SH3PXD2A: variants seen among roughly 807,000 people sequenced by gnomAD.
The protein encoded by SH3PXD2A is SH3 and PX domain-containing protein 2A.
A neutral mutation model predicts 115.2 loss-of-function variants in SH3PXD2A; 32 were observed. That is an observed-to-expected ratio of 0.28 (90% CI 0.21 to 0.37). SH3PXD2A has a LOEUF of 0.37. Among genes scored for constraint, SH3PXD2A ranks in the 10% least tolerant of loss-of-function variants. SH3PXD2A has a pLI of 1.00. For missense variants in SH3PXD2A, 1,328 were observed against 1,498.7 expected, an observed-to-expected ratio of 0.89 and a Z score of 1.88; for synonymous variants, 610 against 629.1, an observed-to-expected ratio of 0.97 and a Z score of 0.45.
At chr10:103,722,101 C>T (rs1258302897) in intron 5 of SH3PXD2A, among the ~76,000 whole-genome samples, 1 of 151,640 alleles carries the variant, frequency 6.6e-6, no homozygotes, top group African/African-American at 2.4e-5. Flanking sequence ...CTCAGGAGTT[C>T]GAGACCAACC....
chr10:103,808,683 A>C (rs114574100), intron 1 of SH3PXD2A, among the ~76,000 whole-genome samples: 1,588 of 152,306 alleles, frequency 0.01, 35 homozygotes, highest in African/African-American at 0.034. Flanking sequence ...TTCCATGATT[A>C]GTCAATTATT....
chr10:103,602,629 C>T lies in SH3PXD2A; in HGVS notation c.2589G>A (p.Ala863=), dbSNP rs768117230. 37 of 1,614,046 alleles carry T rather than the reference C, an allele frequency of 2.3e-5. No homozygotes were observed. The highest frequency in any genetic ancestry group is 4.5e-5 in the East Asian group (2 of 44,884). ...KVQDSEISFP[A]GVEVQVLEKQ... ...TCTCCAGCACCTGCACCTCCACGCC[C>T]GCGGGGAAGCTGATCTCCGAGTCCT... is the stretch of plus-strand genomic sequence containing the variant. The change falls in exon 15 of 15, where the codon GCG becomes GCA. Residue 863 remains alanine, a synonymous_variant. Transcript: ENST00000369774.
At chr10:103,768,333 C>T (rs1162653531) in intron 2 of SH3PXD2A, among the ~76,000 whole-genome samples, 2 of 152,214 alleles carry the variant, frequency 1.3e-5, no homozygotes, top group South Asian at 4.1e-4. Flanking sequence ...GGCCTGACCT[C>T]GAGCTAGCAA....
chr10:103,671,969 T>C (rs969291241), intron 6 of SH3PXD2A, among the ~76,000 whole-genome samples: 14 of 152,196 alleles, frequency 9.2e-5, no homozygotes, highest in Non-Finnish European at 1.9e-4. Flanking sequence ...GAACACACTG[T>C]GTGGCCCTGG....
At chr10:103,683,795 C>G (rs2037641707) in intron 6 of SH3PXD2A, among the ~76,000 whole-genome samples, 1 of 152,218 alleles carries the variant, frequency 6.6e-6, no homozygotes, top group African/African-American at 2.4e-5. Flanking sequence ...TCACAATCTC[C>G]TCTGTCCTTC....
At chr10:103,706,928 G>GCC (rs1476407854) in intron 5 of SH3PXD2A, among the ~76,000 whole-genome samples, 1 of 152,198 alleles carries the variant, frequency 6.6e-6, no homozygotes, top group Non-Finnish European at 1.5e-5. Context: ...AATGGCAGCA[G>GCC]CCCGCGGCCT....
intron 5 of SH3PXD2A, among the ~76,000 whole-genome samples, chr10:103,699,044 A>G (rs1380894911): frequency 6.6e-6 from 1 of 152,078 alleles, no homozygotes; most frequent in Non-Finnish European, 1.5e-5. Flanking sequence ...AGTTTGCAGA[A>G]TTGGGGAGTG....
chr10:103,701,457 A>G (rs1564867945), intron 5 of SH3PXD2A, among the ~76,000 whole-genome samples: 1 of 127,378 alleles, frequency 7.9e-6, no homozygotes, highest in Non-Finnish European at 1.6e-5. Flanking sequence ...TCATCCATCC[A>G]TCATCCATCC....
At chr10:103,757,027 G>A (rs2038649116) in intron 3 of SH3PXD2A, among the ~76,000 whole-genome samples, 1 of 152,186 alleles carries the variant, frequency 6.6e-6, no homozygotes, top group Non-Finnish European at 1.5e-5. Flanking sequence ...CATCCAGTCT[G>A]CCATCTACGC....
chr10:103,606,376 ATTTTTTT>A (rs34117845), intron 13 of SH3PXD2A, among the ~76,000 whole-genome samples: 5,947 of 78,262 alleles, frequency 0.076, 677 homozygotes, highest in African/African-American at 0.26. Flanking sequence ...CACCTGGTTA[ATTTTTTT>A]TTTTTTTTTT....
chr10:103,798,798 T>C (rs1410654897), intron 2 of SH3PXD2A, among the ~76,000 whole-genome samples: 1 of 152,206 alleles, frequency 6.6e-6, no homozygotes, highest in African/African-American at 2.4e-5. Flanking sequence ...GAGGCCTACC[T>C]GGCTCTGAAT....
At chr10:103,763,421 T>G (rs1277794010) in intron 3 of SH3PXD2A, among the ~76,000 whole-genome samples, 1 of 152,244 alleles carries the variant, frequency 6.6e-6, no homozygotes, top group Non-Finnish European at 1.5e-5. Flanking sequence ...CCTTGGGATT[T>G]CCTTGCTCTG....
At chr10:103,640,655 GAGA>G (rs1451417538) in intron 8 of SH3PXD2A, among the ~76,000 whole-genome samples, 3 of 152,224 alleles carry the variant, frequency 2.0e-5, no homozygotes, top group East Asian at 1.9e-4. Flanking sequence ...CCAGCTTTTA[GAGA>G]AGAAGGCGGT....
chr10:103,812,707 G>T (rs1036027371), intron 1 of SH3PXD2A, among the ~76,000 whole-genome samples: 19 of 152,096 alleles, frequency 1.2e-4, no homozygotes, highest in Non-Finnish European at 1.5e-5. Context: ...CAGCCTGCAG[G>T]GGAAATGACC....
intron 5 of SH3PXD2A, among the ~76,000 whole-genome samples, chr10:103,699,623 C>T (rs2037867638): frequency 6.6e-6 from 1 of 152,124 alleles, no homozygotes; most frequent in Non-Finnish European, 1.5e-5. Flanking sequence ...TTTTTTCCAC[C>T]CCTTAGCCCC....
intron 3 of SH3PXD2A, among the ~76,000 whole-genome samples, chr10:103,744,023 CCT>C (rs899438886): frequency 1.4e-4 from 22 of 152,204 alleles, no homozygotes; most frequent in African/African-American, 5.1e-4. Context: ...TACTGGCTCC[CCT>C]GTCTTCCTGA....
rs2039509901 is a variant in SH3PXD2A at position 103,834,286 on chromosome 10, G to A, written c.72+20909C>T. On this transcript the variant is annotated intron_variant, in intron 1 of 14. Transcript: ENST00000369774. ...CAGCTCACCCTACGAGCCAATGAAGGGGCTGATGGTAGATGAAAATGTTAT... is the reference window on the plus strand; with the variant it reads ...CAGCTCACCCTACGAGCCAATGAAGAGGCTGATGGTAGATGAAAATGTTAT... Among the ~76,000 whole-genome samples the A allele has an allele frequency of 1.3e-5, 2 of 152,170 alleles. 1 individual carries two copies. The highest frequency in any genetic ancestry group is 4.8e-5 in the African/African-American group (2 of 41,446).
intron 3 of SH3PXD2A, among the ~76,000 whole-genome samples, chr10:103,757,351 G>C (rs1589443332): frequency 6.6e-6 from 1 of 152,200 alleles, no homozygotes; most frequent in East Asian, 1.9e-4. Context: ...TGGAGACCCA[G>C]GCCCGGGTGC....
chr10:103,820,169 A>G (rs1035034323), intron 1 of SH3PXD2A, among the ~76,000 whole-genome samples: 2 of 152,120 alleles, frequency 1.3e-5, no homozygotes, highest in Admixed American at 1.3e-4. Context: ...CTGAGAGCAA[A>G]CCTTTTAAAT....
Sources: gnomAD v4.1 joint callset for allele counts (sites outside exome capture counted in the v4.1 genomes callset) on GRCh38, gnomAD v4.1.1 for gene constraint, MANE v1.5 for transcripts, NCBI Gene and HGNC (gene_info 2026-07-23, HGNC 2026-07-21) for gene names.